RFX4: variants seen among roughly 807,000 people sequenced by gnomAD.
The protein encoded by RFX4 is transcription factor RFX4.
A neutral mutation model predicts 95.0 loss-of-function variants in RFX4; 10 were observed. The ratio of observed to expected loss-of-function variants is 0.11; its 90% CI spans 0.06 to 0.18. The LOEUF is 0.18. Among genes scored for constraint, RFX4 ranks in the 10% least tolerant of loss-of-function variants. The probability of loss-of-function intolerance (pLI) is 1.00; values close to 1 mark genes in which losing one functional copy is unlikely to be tolerated. For missense variants in RFX4, 640 were observed against 922.0 expected (o/e 0.69, Z 3.96); for synonymous variants, 321 against 340.7 (o/e 0.94, Z 0.64).
intron 2 of RFX4, among the ~76,000 whole-genome samples, chr12:106,624,295 GATCTAATA>G (rs886400999): frequency 1.3e-5 from 2 of 152,080 alleles, no homozygotes; most frequent in African/African-American, 4.8e-5. Context: ...TACATCCCAT[GATCTAATA>G]ATTTTTTCAT....
rs891959094 is a variant in RFX4, at chr12:106,751,703, T to C, written c.1935+910T>C. On this transcript the variant is annotated intron_variant, in intron 17 of 17. Coordinates refer to ENST00000392842, the MANE Select transcript of RFX4 (RefSeq NM_213594.3). ...TGATGGCCAGTGATGGTGAGCATTTTTTCATGTGTTTTTTGGCTGCACAAA... is the reference window on the plus strand; with the variant it reads ...TGATGGCCAGTGATGGTGAGCATTTCTTCATGTGTTTTTTGGCTGCACAAA... Among the ~76,000 whole-genome samples the C allele has an allele frequency of 2.0e-5, 3 of 152,154 alleles. No individual in the cohort carries two copies. In the South Asian group the frequency reaches 6.2e-4, roughly 32 times the overall value.
intron 17 of RFX4, among the ~76,000 whole-genome samples, chr12:106,753,280 C>G (rs2043044608): frequency 6.6e-6 from 1 of 152,128 alleles, no homozygotes. Flanking sequence ...AGAAATTGTT[C>G]CCTCTGGCTG....
In RFX4 at chr12:106,714,068, C is replaced by CAAAAAAAAAAAAAAAAAAAA. The variant is rs58283896; in HGVS notation, c.994-1328_994-1309dup. Among the ~76,000 whole-genome samples the CAAAAAAAAAAAAAAAAAAAA allele has an allele frequency of 2.3e-3, 69 of 30,516 alleles. 7 individuals carry two copies. Among genetic ancestry groups the CAAAAAAAAAAAAAAAAAAAA allele is most frequent in the African/African-American group, 3.4e-3 (22 of 6,486 alleles). The allele number at this position is 30,516 out of a possible 152,430, so 20.0% of individuals were successfully genotyped here. A position where few individuals can be genotyped will look rare whatever the true frequency, so the allele number is the denominator to read the frequency against. On this transcript the variant is annotated intron_variant, in intron 10 of 17. Transcript: ENST00000392842. The stretch of plus-strand genomic sequence containing the variant: ...GGGCAACAAGAGTGAAACTCCATCT[C>CAAAAAAAAAAAAAAAAAAAA]AAAAAAAAAAAAAAAAAAAAAAAGC...
rs751095589 is a variant in RFX4 at position 106,732,945 on chromosome 12, T to C, written c.1493T>C (p.Ile498Thr). ...ACAGCAGAAGTCCGAGAAGAGATCA[T>C]CTTGACAGAGGCTGCCGCACCAACC... is the stretch of plus-strand genomic sequence containing the variant. Reference protein sequence around the residue: ...GSTAEVREEIILTEAAAPTPS... With the variant: ...GSTAEVREEITLTEAAAPTPS... The change falls in exon 15 of 18, where the codon ATC (isoleucine) becomes ACC (threonine). Residue 498 changes from isoleucine (I) to threonine (T), a missense_variant. By Grantham distance (89) the Ile-to-Thr change is moderately conservative. Around this residue, in one of 7 missense-constraint regions of RFX4, gnomAD observed 300 missense variants for 346.8 expected, o/e 0.87. Transcript: ENST00000392842. 17 of 1,614,038 alleles carry C rather than the reference T, an allele frequency of 1.1e-5. No individual in the cohort carries two copies. Among genetic ancestry groups the C allele is most frequent in the Non-Finnish European group, 1.4e-5 (17 of 1,180,014 alleles).
At chr12:106,624,928 G>A (rs920548668) in intron 2 of RFX4, among the ~76,000 whole-genome samples, 1 of 152,214 alleles carries the variant, frequency 6.6e-6, no homozygotes, top group East Asian at 1.9e-4. Flanking sequence ...TTCTCGGGGT[G>A]TGATTTCAGA....
chr12:106,657,185 G>A (rs543515848), intron 4 of RFX4, among the ~76,000 whole-genome samples: 3 of 152,348 alleles, frequency 2.0e-5, no homozygotes, highest in Admixed American at 1.3e-4. Context: ...AGATGAAATC[G>A]TGGACAGTCT....
At chr12:106,599,664 G>A (rs2039671232) in intron 1 of RFX4, among the ~76,000 whole-genome samples, 1 of 152,104 alleles carries the variant, frequency 6.6e-6, no homozygotes, top group East Asian at 1.9e-4. Context: ...AGTGAACACA[G>A]TTAACTGGAA....
chr12:106,583,992 G>A (rs2039414700), intron 1 of RFX4, among the ~76,000 whole-genome samples: 1 of 152,338 alleles, frequency 6.6e-6, no homozygotes, highest in African/African-American at 2.4e-5. Context: ...CCAGGAAGGG[G>A]CACCCAACGC....
chr12:106,682,545 C>T (rs185295075), intron 5 of RFX4: 2 of 156,190 alleles, frequency 1.3e-5, no homozygotes, highest in African/African-American at 4.8e-5. Flanking sequence ...AGCAACCAAC[C>T]AACTCATGCT....
rs377648505 is a variant in RFX4, at chr12:106,722,012, G to A, written c.1351+1136G>A. On this transcript the variant is annotated intron_variant, in intron 13 of 17. Coordinates refer to ENST00000392842, the MANE Select transcript of RFX4 (RefSeq NM_213594.3). ...ATTTCTTTAATCTCAGCATTGGAAG[G>A]TTCTCTGAACCTGCCTGCACCATGG... 3.9e-5 allele frequency among the ~76,000 whole-genome samples: 6 copies of A among 152,336 alleles called. No individual in the cohort carries two copies. The South Asian group carries it at 1.0e-3, about 26-fold the overall frequency.
At chr12:106,678,930 T>A (rs1057337202) in intron 4 of RFX4, among the ~76,000 whole-genome samples, 33 of 152,352 alleles carry the variant, frequency 2.2e-4, no homozygotes, top group African/African-American at 7.5e-4. Context: ...AATTTTTCAC[T>A]CTCATTAGTA....
intron 7 of RFX4, among the ~76,000 whole-genome samples, chr12:106,694,537 T>TA (rs1354761635): frequency 1.3e-5 from 2 of 152,130 alleles, no homozygotes. Context: ...GAAACCCAGT[T>TA]ACCATGTGAA....
At chr12:106,620,406 G>A (rs960561230) in intron 2 of RFX4, among the ~76,000 whole-genome samples, 2 of 152,172 alleles carry the variant, frequency 1.3e-5, no homozygotes, top group African/African-American at 4.8e-5. Flanking sequence ...GCCTGCCTGA[G>A]CCTCAAACCA....
intron 2 of RFX4, among the ~76,000 whole-genome samples, chr12:106,613,332 G>C (rs534915942): frequency 6.0e-5 from 9 of 149,152 alleles, no homozygotes; most frequent in South Asian, 2.2e-4. Flanking sequence ...GCTGAATTCT[G>C]TTTGTTAGTA....
intron 2 of RFX4, among the ~76,000 whole-genome samples, chr12:106,634,055 A>G (rs2040466433): frequency 6.6e-6 from 1 of 152,224 alleles, no homozygotes; most frequent in Admixed American, 6.5e-5. Context: ...TGTGTGAAAG[A>G]ACCCTGATAA....
At chr12:106,632,336 CG>C (rs2040432130) in intron 2 of RFX4, among the ~76,000 whole-genome samples, 1 of 152,164 alleles carries the variant, frequency 6.6e-6, no homozygotes, top group Admixed American at 6.5e-5. Context: ...GGACCATCAG[CG>C]GGGCACTGCA....
chr12:106,590,843 A>C, intron 1 of RFX4, among the ~76,000 whole-genome samples: 1 of 152,136 alleles, frequency 6.6e-6, no homozygotes, highest in Non-Finnish European at 1.5e-5. Context: ...CCTACTCAGG[A>C]GGCTGAGATG....
chr12:106,743,731 G>GGT (rs1368052215), intron 15 of RFX4, among the ~76,000 whole-genome samples: 3 of 152,172 alleles, frequency 2.0e-5, no homozygotes, highest in African/African-American at 7.2e-5. Context: ...CATTCTCTCA[G>GGT]GTGATGGCTA....
intron 11 of RFX4, among the ~76,000 whole-genome samples, chr12:106,715,972 A>C (rs1428277915): frequency 1.3e-5 from 2 of 152,136 alleles, no homozygotes; most frequent in Admixed American, 1.3e-4. Flanking sequence ...CCTTTCAATC[A>C]CGTTAAATGT....
Sources: allele counts gnomAD v4.1 joint callset (sites outside exome capture counted in the v4.1 genomes callset), GRCh38; gene constraint gnomAD v4.1.1; regional missense constraint gnomAD v4.1.1; transcripts MANE v1.5; gene names NCBI Gene and HGNC (gene_info 2026-07-23, HGNC 2026-07-21).